PARD3B: variants seen among roughly 807,000 people sequenced by gnomAD.
PARD3B encodes the protein par-3 family cell polarity regulator beta, also known as partitioning defective 3 homolog B.
In PARD3B, 103 loss-of-function variants were observed where a neutral mutation model predicts 130.2. The ratio of observed to expected loss-of-function variants is 0.79; its 90% confidence interval spans 0.67 to 0.93. The LOEUF (loss-of-function observed/expected upper bound fraction) is 0.93, where lower values mean the gene tolerates loss of function less well. PARD3B is among the 40% of genes least tolerant of loss of function. The pLI is 0.00. For synonymous variants in PARD3B, 583 were observed against 553.2 expected (o/e 1.05, Z -0.76); for missense variants, 1,609 against 1,499.2 (o/e 1.07, Z -1.21).
Position 205,078,377 on chromosome 2 carries a change from T to A in PARD3B, c.505-26049T>A, listed in dbSNP as rs1701200573. Among the ~76,000 whole-genome samples the A allele has an allele frequency of 6.6e-6, 1 of 152,178 alleles. No homozygotes were observed. The highest frequency in any genetic ancestry group is 1.5e-5 in the Non-Finnish European group (1 of 68,032). On this transcript the variant is annotated intron_variant, in intron 4 of 22. Coordinates refer to ENST00000406610, the MANE Select transcript of PARD3B (RefSeq NM_001302769.2). The surrounding 1 kb of genome is among the most constrained non-coding windows in gnomAD (Gnocchi z 4.0). Reference sequence around the variant, plus strand: ...TTTTATTAATTGTATGGTTTTCCTTTTATGTTTTCAGGTGAGAGTATTTCT... The same window carrying A: ...TTTTATTAATTGTATGGTTTTCCTTATATGTTTTCAGGTGAGAGTATTTCT...
At chr2:205,365,620 T>TATCTTAATA (rs2044580627) in intron 18 of PARD3B, among the ~76,000 whole-genome samples, 1 of 140,826 alleles carries the variant, frequency 7.1e-6, no homozygotes, top group Non-Finnish European at 1.5e-5. Flanking sequence ...GAAAAACCCT[T>TATCTTAATA]ATCTTAATAA....
intron 2 of PARD3B, among the ~76,000 whole-genome samples, chr2:204,784,540 C>G (rs1003529761): frequency 4.6e-5 from 7 of 152,046 alleles, no homozygotes; most frequent in South Asian, 4.1e-4. Context: ...GTGTTAAATG[C>G]CACGGATGGA....
chr2:205,206,551 A>AT (rs573319420), intron 15 of PARD3B, among the ~76,000 whole-genome samples: 1 of 151,050 alleles, frequency 6.6e-6, no homozygotes, highest in East Asian at 1.9e-4. Flanking sequence ...TGAACTCATC[A>AT]TTTTTTATGG....
chr2:205,140,782 C>G (rs2032886597), intron 10 of PARD3B, among the ~76,000 whole-genome samples: 1 of 152,006 alleles, frequency 6.6e-6, no homozygotes, highest in Admixed American at 6.5e-5. Context: ...ATTCATAAAT[C>G]TAGAATTTTT....
chr2:204,724,057 A>G (rs2039114334), intron 2 of PARD3B, among the ~76,000 whole-genome samples: 1 of 152,126 alleles, frequency 6.6e-6, no homozygotes, highest in Non-Finnish European at 1.5e-5. Flanking sequence ...TAGTCTCATT[A>G]TATTCTATTC....
intron 2 of PARD3B, among the ~76,000 whole-genome samples, chr2:204,927,284 T>G (rs1233542790): frequency 2.0e-5 from 3 of 151,956 alleles, no homozygotes; most frequent in Non-Finnish European, 4.4e-5. Context: ...GGTGATTAAG[T>G]CATGAGGGCA....
rs2047133451 is a variant in PARD3B at position 205,426,022 on chromosome 2, G to A, written c.2742-14348G>A. ...TTTTTTTATTTATATCAAGAAAAGT[G>A]ATAAATTATCCCATCAATCTAGTTC... On this transcript the variant is annotated intron_variant, in intron 19 of 22. Transcript: ENST00000406610. 1.3e-5 allele frequency among the ~76,000 whole-genome samples: 2 copies of A among 152,088 alleles called. 1 individual carries two copies. Among genetic ancestry groups the A allele is most frequent in the South Asian group, 4.1e-4 (2 of 4,822 alleles).
chr2:205,518,974 C>A (rs1424903285), intron 21 of PARD3B, among the ~76,000 whole-genome samples: 1 of 152,080 alleles, frequency 6.6e-6, no homozygotes, highest in South Asian at 2.1e-4. Context: ...CGATGGTGTT[C>A]CCTTTGTGGG....
intron 18 of PARD3B, among the ~76,000 whole-genome samples, chr2:205,362,022 C>T (rs1466870987): frequency 1.3e-5 from 2 of 151,912 alleles, no homozygotes; most frequent in Non-Finnish European, 1.5e-5. Flanking sequence ...ATTCAAACAG[C>T]TAGACCTTTT....
intron 21 of PARD3B, among the ~76,000 whole-genome samples, chr2:205,540,807 A>G (rs2052092520): frequency 6.6e-6 from 1 of 152,196 alleles, no homozygotes; most frequent in African/African-American, 2.4e-5. Flanking sequence ...TTCTTCAACA[A>G]TCTTCCATGG....
chr2:205,336,725 G>T (rs1574737009), intron 18 of PARD3B, among the ~76,000 whole-genome samples: 2 of 152,282 alleles, frequency 1.3e-5, no homozygotes, highest in East Asian at 3.9e-4. Flanking sequence ...ACAAAAGCAG[G>T]TAATTATGTT....
chr2:205,528,093 G>A (rs894110039), intron 21 of PARD3B, among the ~76,000 whole-genome samples: 4 of 152,172 alleles, frequency 2.6e-5, no homozygotes, highest in African/African-American at 7.2e-5. Flanking sequence ...AGCTAGGTTA[G>A]ACAGCATCCC....
intron 15 of PARD3B, among the ~76,000 whole-genome samples, chr2:205,217,971 C>T (rs1216386666): frequency 6.8e-6 from 1 of 147,016 alleles, no homozygotes; most frequent in Non-Finnish European, 1.5e-5. Flanking sequence ...TGGCTCACTG[C>T]AACCTCCACC....
At chr2:205,437,765 A>G (rs372737885) in intron 19 of PARD3B, among the ~76,000 whole-genome samples, 1 of 152,158 alleles carries the variant, frequency 6.6e-6, no homozygotes, top group East Asian at 1.9e-4. Context: ...AAAGAGAAAG[A>G]GGAGATTTAA....
At chr2:205,413,039 C>CTATTTT (rs1258704858) in intron 19 of PARD3B, among the ~76,000 whole-genome samples, 2 of 152,146 alleles carry the variant, frequency 1.3e-5, no homozygotes, top group Non-Finnish European at 2.9e-5. Flanking sequence ...TTTTCTTCGT[C>CTATTTT]TTTCTTTGAA....
chr2:205,100,480 A>C (rs532469140), intron 4 of PARD3B, among the ~76,000 whole-genome samples: 1 of 152,168 alleles, frequency 6.6e-6, no homozygotes, highest in Admixed American at 6.5e-5. Context: ...ATATTAACAA[A>C]CTGATTCCAA....
chr2:204,770,445 G>A (rs1415163852), intron 2 of PARD3B, among the ~76,000 whole-genome samples: 1 of 150,110 alleles, frequency 6.7e-6, no homozygotes, highest in Non-Finnish European at 1.5e-5. Context: ...TTTTGGAATA[G>A]GTGTGGTGTG....
chr2:204,762,479 GC>G (rs557457129), intron 2 of PARD3B, among the ~76,000 whole-genome samples: 155 of 152,196 alleles, frequency 1.0e-3, no homozygotes, highest in African/African-American at 3.2e-3. Flanking sequence ...AGCTCAAGAG[GC>G]AGGATTTCTA....
At chr2:204,602,797 T>TA (rs1451167729) in intron 1 of PARD3B, among the ~76,000 whole-genome samples, 4 of 152,180 alleles carry the variant, frequency 2.6e-5, no homozygotes, top group African/African-American at 9.6e-5. Flanking sequence ...GTTGATACTC[T>TA]AAGTGTCTCC....
Sources: gnomAD v4.1 joint callset for allele counts (sites outside exome capture counted in the v4.1 genomes callset) on GRCh38, gnomAD v4.1.1 for gene constraint, Gnocchi (gnomAD v3.1) non-coding constraint, MANE v1.5 for transcripts, NCBI Gene and HGNC (gene_info 2026-07-23, HGNC 2026-07-21) for gene names.